The following WDR36 variants were observed in gnomAD, a reference collection of about 807,000 sequenced individuals.
WDR36 encodes the protein WD repeat-containing protein 36.
In WDR36, 63 loss-of-function variants were observed where a neutral mutation model predicts 112.7. The observed-to-expected ratio is 0.56, with a 90% CI of 0.46 to 0.69. The LOEUF is 0.69. Among genes scored for constraint, WDR36 ranks in the 30% least tolerant of loss-of-function variants. WDR36 has a pLI of 0.00. For synonymous variants in WDR36, 410 were observed against 362.2 expected (o/e 1.13, Z -1.50); for missense variants, 1,226 against 1,070.3 (o/e 1.15, Z -2.03).
chr5:111,092,883 G>A (rs576659417), intron 1 of WDR36, among the ~76,000 whole-genome samples: 1 of 152,370 alleles, frequency 6.6e-6, no homozygotes, highest in East Asian at 1.9e-4. Flanking sequence ...TATTTGTTCA[G>A]TGAATATTTA....
At chr5:111,101,484 G>A (rs1044470421) in intron 5 of WDR36, among the ~76,000 whole-genome samples, 1 of 151,778 alleles carries the variant, frequency 6.6e-6, no homozygotes, top group South Asian at 2.1e-4. Context: ...AGGGTTAAAA[G>A]TACTTCCATA....
chr5:111,094,874 A>G (rs1158622532), intron 1 of WDR36, 46 bp from the exon 2 acceptor site: 30 of 1,470,650 alleles, frequency 2.0e-5, no homozygotes, highest in Non-Finnish European at 2.8e-5. Context: ...GGTTATTATG[A>G]TTATGTTTGT....
intron 12 of WDR36, among the ~76,000 whole-genome samples, chr5:111,107,733 C>A (rs568341572): frequency 4.6e-5 from 7 of 150,698 alleles, no homozygotes; most frequent in African/African-American, 1.7e-4. Context: ...ACTATTTGTT[C>A]AAAAGACTAT....
intron 6 of WDR36, 131 bp from the exon 7 acceptor site, chr5:111,103,655 G>A (rs1753164849): frequency 1.7e-6 from 2 of 1,158,278 alleles, no homozygotes; most frequent in Admixed American, 4.4e-5. Context: ...AATACTTGCT[G>A]AGTTTTTCTG....
Position 111,092,381 on chromosome 5 carries a change from A to C in WDR36, c.-76A>C, listed in dbSNP as rs371564253. The C allele has an allele frequency of 1.9e-4, 301 of 1,614,226 alleles. 2 individuals carry two copies. In the South Asian group the frequency reaches 3.2e-3, roughly 17 times the overall value. On this transcript the variant is annotated 5_prime_UTR_variant, in exon 1 of 23. Coordinates refer to ENST00000513710, the MANE Select transcript of WDR36 (RefSeq NM_139281.3). The stretch of plus-strand genomic sequence containing the variant: ...TGCAGCTCTGGCAGAGGACTGTTCC[A>C]CTAGACACGCTGAAGGGACTGGGTA...
rs1580400945 is a variant in WDR36 at position 111,115,863 on chromosome 5, A to G, written c.1796+2710A>G. Among the ~76,000 whole-genome samples, 3 of 152,282 alleles carry G rather than the reference A, an allele frequency of 2.0e-5. No homozygotes were observed. In the East Asian group the frequency reaches 5.8e-4, roughly 29 times the overall value. Reference sequence around the variant, plus strand: ...GGAGCAAAGTTGAAATTTTTTATCTAAAATTATCATTCCTCTGCCACTACC... The same window carrying G: ...GGAGCAAAGTTGAAATTTTTTATCTGAAATTATCATTCCTCTGCCACTACC... On this transcript the variant is annotated intron_variant, in intron 16 of 22. Transcript: ENST00000513710.
Position 111,104,726 on chromosome 5 carries a change from A to T in WDR36, c.936A>T (p.Glu312Asp), listed in dbSNP as rs1430640334. 16 of 1,611,372 alleles carry T rather than the reference A, an allele frequency of 9.9e-6. No individual in the cohort carries two copies. Among genetic ancestry groups the T allele is most frequent in the African/African-American group, 1.3e-5 (1 of 74,864 alleles). The change falls in exon 9 of 23, where the codon GAA becomes GAT. Residue 312 changes from glutamate to aspartate, a missense_variant. Glu to Asp is a conservative substitution (Grantham distance 45). Transcript: ENST00000513710. ...GGATATTTGATGGTCCTACAGGTGA[A>T]GGCCGACTTTTGAGATTCAGAATGG... is the stretch of plus-strand genomic sequence containing the variant. Reference protein sequence around the residue: ...RIWIFDGPTGEGRLLRFRMGH... With the variant: ...RIWIFDGPTGDGRLLRFRMGH...
chr5:111,101,290 T>G (rs1330517342), intron 5 of WDR36, among the ~76,000 whole-genome samples: 4 of 151,894 alleles, frequency 2.6e-5, no homozygotes, highest in Non-Finnish European at 5.9e-5. Context: ...ACCTAATAAC[T>G]GTAAAGAATT....
At chr5:111,117,883 G>C (rs1200509365) in intron 16 of WDR36, among the ~76,000 whole-genome samples, 2 of 152,026 alleles carry the variant, frequency 1.3e-5, no homozygotes, top group African/African-American at 4.8e-5. Context: ...CAGCCTAAGG[G>C]GTCTTTCAGC....
intron 20 of WDR36, 75 bp from the exon 21 acceptor site, chr5:111,124,033 G>C: frequency 1.9e-6 from 3 of 1,597,190 alleles, no homozygotes; most frequent in Middle Eastern, 1.7e-4. Context: ...ATTAATGATA[G>C]CTTTTAATTA....
intron 2 of WDR36, among the ~76,000 whole-genome samples, chr5:111,095,683 A>G (rs1039624412): frequency 2.0e-5 from 3 of 152,206 alleles, no homozygotes; most frequent in South Asian, 2.1e-4. Context: ...ACCTGGTTAT[A>G]CATATAGTCC....
At chr5:111,114,992 G>T (rs1332047364) in intron 16 of WDR36, among the ~76,000 whole-genome samples, 1 of 152,038 alleles carries the variant, frequency 6.6e-6, no homozygotes, top group African/African-American at 2.4e-5. Context: ...ACTAACCTTT[G>T]ACTCAGCATT....
At chr5:111,116,897 G>C (rs1042861203) in intron 16 of WDR36, among the ~76,000 whole-genome samples, 1 of 152,154 alleles carries the variant, frequency 6.6e-6, no homozygotes, top group Non-Finnish European at 1.5e-5. Context: ...AAACATGTTA[G>C]GAAGTTTTAC....
At position 111,094,938 on chromosome 5, in the gene WDR36, G is replaced by C; in HGVS notation, c.181G>C (p.Val61Leu). 6.2e-7 allele frequency: 1 copy of C among 1,606,484 alleles called. No homozygotes were observed. Among genetic ancestry groups the C allele is most frequent in the South Asian group, 1.1e-5 (1 of 90,136 alleles). ...HTYDVQKLSL[V>L]AVSNSVPQDI... ...TAAACAGGTTCAGAAACTTAGTCTGGTTGCAGTAAGTAAGTATGGACTTTA... is the reference window on the plus strand; with the variant it reads ...TAAACAGGTTCAGAAACTTAGTCTGCTTGCAGTAAGTAAGTATGGACTTTA... Residue 61 changes from valine (V) to leucine (L), a missense_variant, in exon 2 of 23, where the codon GTT (valine) becomes CTT (leucine). Coordinates refer to ENST00000513710, the MANE Select transcript of WDR36 (RefSeq NM_139281.3).
intron 12 of WDR36, among the ~76,000 whole-genome samples, chr5:111,109,277 C>A (rs1003261727): frequency 1.3e-5 from 2 of 151,254 alleles, no homozygotes; most frequent in Non-Finnish European, 3.0e-5. Context: ...GTTTGTGTTT[C>A]ATTTAGGAAG....
At chr5:111,092,902 C>A (rs1173628837) in intron 1 of WDR36, among the ~76,000 whole-genome samples, 1 of 152,234 alleles carries the variant, frequency 6.6e-6, no homozygotes, top group East Asian at 1.9e-4. Flanking sequence ...TATTGACCTT[C>A]CCTTGAAGGT....
At position 111,092,552 on chromosome 5, in the gene WDR36, G is replaced by A. The variant is rs1752887716; in HGVS notation, c.96G>A (p.Arg32=). The A allele has an allele frequency of 2.5e-6, 4 of 1,614,220 alleles. No homozygotes were observed. The highest frequency in any genetic ancestry group is 1.7e-5 in the Admixed American group (1 of 60,038). The change falls in exon 1 of 23, where the codon CGG becomes CGA. Residue 32 remains arginine, a synonymous_variant. Coordinates refer to ENST00000513710, the MANE Select transcript of WDR36 (RefSeq NM_139281.3). ...LFSNDIPHVV[R]FSALKRRFYV... ...GCAACGACATTCCACACGTGGTGCG[G>A]TTCAGCGCGCTCAAGCGCCGGTTCT...
At position 111,110,820 on chromosome 5, in the gene WDR36, G is replaced by A. The variant is rs146298769; in HGVS notation, c.1474G>A (p.Asp492Asn). ...GGGATCTGTTAGAGGTGTCGCAGTGGATGGATTAAACCAGTTGACAGTTAC... is the reference window on the plus strand; with the variant it reads ...GGGATCTGTTAGAGGTGTCGCAGTGAATGGATTAAACCAGTTGACAGTTAC... ...HKGSVRGVAVDGLNQLTVTTG... is the reference protein window; with the variant it reads ...HKGSVRGVAVNGLNQLTVTTG... Residue 492 changes from aspartate (D) to asparagine (N), a missense_variant, in exon 14 of 23, where the codon GAT becomes AAT. Coordinates refer to ENST00000513710, the MANE Select transcript of WDR36 (RefSeq NM_139281.3). 504 of 1,611,230 alleles carry A rather than the reference G, an allele frequency of 3.1e-4. 1 individual carries two copies. Among genetic ancestry groups the A allele is most frequent in the Admixed American group, 1.7e-4 (10 of 59,692 alleles).
In WDR36 at chr5:111,097,198, CTTGT is replaced by C. The variant is rs748170692; in HGVS notation, c.291+24_291+27del. ...TAAAGAGGTTGGTATCGCTAAACTACTTGTTTGTCAGTCAGTATTTGTTTGTCAT... is the reference window on the plus strand; with the variant it reads ...TAAAGAGGTTGGTATCGCTAAACTACTTGTCAGTCAGTATTTGTTTGTCAT... On this transcript the variant is annotated intron_variant, in intron 3 of 22. Coordinates refer to ENST00000513710, the MANE Select transcript of WDR36 (RefSeq NM_139281.3). 7.0e-6 allele frequency: 11 copies of C among 1,564,318 alleles called. No individual in the cohort carries two copies. In the South Asian group the frequency reaches 1.0e-4, roughly 14 times the overall value.
Sources: allele counts gnomAD v4.1 joint callset (sites outside exome capture counted in the v4.1 genomes callset), GRCh38; gene constraint gnomAD v4.1.1; transcripts MANE v1.5; gene names NCBI Gene and HGNC (gene_info 2026-07-23, HGNC 2026-07-21).